The following IPO11 variants were observed in gnomAD, a reference collection of about 807,000 sequenced individuals.
IPO11 encodes the protein importin 11.
IPO11 carries 66 observed loss-of-function variants against 143.2 expected under a neutral mutation model. The observed-to-expected ratio is 0.46, with a 90% confidence interval of 0.38 to 0.57. IPO11 has a LOEUF of 0.57. Ranked by LOEUF, IPO11 falls within the 20% of genes least tolerant of loss-of-function variation. IPO11 has a pLI of 0.00. For missense variants in IPO11, 1,026 were observed against 1,141.0 expected (o/e 0.90, Z 1.45); for synonymous variants, 385 against 377.8 (o/e 1.02, Z -0.22).
At chr5:62,585,368 T>G (rs1744732910) in intron 27 of IPO11, among the ~76,000 whole-genome samples, 1 of 152,142 alleles carries the variant, frequency 6.6e-6, no homozygotes, top group Non-Finnish European at 1.5e-5. Flanking sequence ...GTTGTTGTTG[T>G]ATTTGTAGTC....
At chr5:62,539,466 G>A (rs138333957) in intron 24 of IPO11, among the ~76,000 whole-genome samples, 10 of 152,234 alleles carry the variant, frequency 6.6e-5, no homozygotes, top group South Asian at 2.1e-4. Context: ...TCTGGGATAC[G>A]GCAGAACTCT....
chr5:62,436,923 G>A (rs915537856), intron 1 of IPO11, among the ~76,000 whole-genome samples: 2 of 152,138 alleles, frequency 1.3e-5, no homozygotes, highest in African/African-American at 4.8e-5. Context: ...TTTTTAAAAC[G>A]AAGACAGAAG....
chr5:62,502,222 T>C (rs1374233820), intron 16 of IPO11, among the ~76,000 whole-genome samples: 1 of 152,214 alleles, frequency 6.6e-6, no homozygotes, highest in Non-Finnish European at 1.5e-5. Context: ...AATTGCCTGT[T>C]ATCTTTTCCT....
intron 26 of IPO11, among the ~76,000 whole-genome samples, chr5:62,558,501 A>AATT (rs1234318914): frequency 1.3e-5 from 2 of 152,196 alleles, no homozygotes; most frequent in Admixed American, 1.3e-4. Flanking sequence ...GATGCTTAAG[A>AATT]ATTATATCAT....
At chr5:62,550,544 A>G in intron 25 of IPO11, 82 bp downstream of exon 25, 2 of 904,700 alleles carry the variant, frequency 2.2e-6, no homozygotes, top group Non-Finnish European at 3.3e-6. Context: ...ACAGAAGGAA[A>G]GCTTTTCTTG....
intron 16 of IPO11, among the ~76,000 whole-genome samples, chr5:62,499,360 A>G (rs1741264679): frequency 6.6e-6 from 1 of 152,224 alleles, no homozygotes; most frequent in Non-Finnish European, 1.5e-5. Context: ...AAAAAACGTT[A>G]CACCTCTATA....
At chr5:62,462,991 TACAC>T (rs1745421880) in intron 5 of IPO11, among the ~76,000 whole-genome samples, 1 of 152,108 alleles carries the variant, frequency 6.6e-6, no homozygotes, top group African/African-American at 2.4e-5. Context: ...AGTTCTAATT[TACAC>T]ACATATATTA....
chr5:62,599,477 C>G (rs114390029), intron 28 of IPO11, among the ~76,000 whole-genome samples: 9 of 152,162 alleles, frequency 5.9e-5, no homozygotes, highest in African/African-American at 2.2e-4. Flanking sequence ...CTTTTCTCAT[C>G]TGTAAAATGG....
intron 27 of IPO11, among the ~76,000 whole-genome samples, chr5:62,586,762 AAAAAAAATATAT>A (rs1383393240): frequency 4.6e-5 from 4 of 86,494 alleles, no homozygotes; most frequent in African/African-American, 1.4e-4. Flanking sequence ...CAAAAAAAAA[AAAAAAAATATAT>A]ATATATATAT....
At chr5:62,503,876 T>C (rs1741447565) in intron 16 of IPO11, among the ~76,000 whole-genome samples, 3 of 152,188 alleles carry the variant, frequency 2.0e-5, no homozygotes, top group Admixed American at 2.0e-4. Flanking sequence ...ACAGTTGCTA[T>C]AGTGTAACAT....
intron 26 of IPO11, among the ~76,000 whole-genome samples, chr5:62,555,479 ATTATTTATTTATTTAT>A (rs138722983): frequency 2.3e-4 from 31 of 137,188 alleles, no homozygotes; most frequent in African/African-American, 3.6e-4. Flanking sequence ...CACCTGGCTA[ATTATTTATTTATTTAT>A]TTATTTATTT....
intron 3 of IPO11, 113 bp from the exon 4 acceptor site, chr5:62,449,814 C>A: frequency 3.4e-6 from 2 of 593,248 alleles, no homozygotes; most frequent in East Asian, 3.0e-5. Flanking sequence ...TTACAAAAAC[C>A]AATCAGAGAC....
In IPO11 at chr5:62,504,840, TC is replaced by T; in HGVS notation, c.1625-16del. 6.6e-7 allele frequency: 1 copy of T among 1,519,824 alleles called. No individual in the cohort carries two copies. Among genetic ancestry groups the T allele is most frequent in the Middle Eastern group, 1.7e-4 (1 of 5,802 alleles). 94.1% of individuals were successfully genotyped at this position (1,519,824 alleles called of 1,614,324 possible). A position where few individuals can be genotyped will look rare whatever the true frequency, so the allele number is the denominator to read the frequency against. On this transcript the variant is annotated splice_polypyrimidine_tract_variant and intron_variant, in intron 17 of 29. Transcript: ENST00000325324. ...GATAAAACTTATATATTCTCAGTAT[TC>T]CTTAACTGTTCTTCACCTGTTGATG...
Position 62,439,105 on chromosome 5 carries a change from G to A in IPO11, c.138+1688G>A, listed in dbSNP as rs761398806. Among the ~76,000 whole-genome samples the A allele has an allele frequency of 2.7e-5, 4 of 150,008 alleles. No homozygotes were observed. In the Admixed American group the frequency reaches 2.7e-4, roughly 10 times the overall value. On this transcript the variant is annotated intron_variant, in intron 2 of 29. Coordinates refer to ENST00000325324, the MANE Select transcript of IPO11 (RefSeq NM_016338.5). ...TCTTGAGTATCTTTACTCTCCTTAC[G>A]CTTATTTAAATGAATATGCTCTATA... is the stretch of plus-strand genomic sequence containing the variant.
intron 8 of IPO11, among the ~76,000 whole-genome samples, 166 bp downstream of exon 8, chr5:62,474,630 C>A (rs988081754): frequency 2.0e-5 from 3 of 152,162 alleles, no homozygotes; most frequent in African/African-American, 7.2e-5. Context: ...CAATTGCTCC[C>A]TGAGTGAGCA....
At chr5:62,485,777 G>A (rs1746375654) in intron 12 of IPO11, among the ~76,000 whole-genome samples, 1 of 151,362 alleles carries the variant, frequency 6.6e-6, no homozygotes, top group Non-Finnish European at 1.5e-5. Context: ...TTGAGCCCAG[G>A]AGGTTGAGGC....
chr5:62,622,571 G>A (rs1338810774), intron 29 of IPO11, among the ~76,000 whole-genome samples: 1 of 152,132 alleles, frequency 6.6e-6, no homozygotes, highest in Non-Finnish European at 1.5e-5. Flanking sequence ...ATAAGCAGAT[G>A]TTCTGTTGCT....
chr5:62,508,808 A>G (rs914431623), intron 19 of IPO11, among the ~76,000 whole-genome samples: 13 of 150,920 alleles, frequency 8.6e-5, no homozygotes, highest in Admixed American at 5.3e-4. Flanking sequence ...CCCTGTGTCC[A>G]TGTGTTCTCA....
At chr5:62,569,779 T>G (rs1744073661) in intron 27 of IPO11, among the ~76,000 whole-genome samples, 1 of 152,224 alleles carries the variant, frequency 6.6e-6, no homozygotes, top group Admixed American at 6.5e-5. Flanking sequence ...GTTGAAATTC[T>G]GCTCCCTTAC....
Sources: gnomAD v4.1 joint callset for allele counts (sites outside exome capture counted in the v4.1 genomes callset) on GRCh38, gnomAD v4.1.1 for gene constraint, MANE v1.5 for transcripts, NCBI Gene and HGNC (gene_info 2026-07-23, HGNC 2026-07-21) for gene names.